SNX25: variants seen among roughly 807,000 people sequenced by gnomAD.
SNX25 encodes the protein sorting nexin 25, also known as sorting nexin-25.
Under a neutral mutation model 113.7 loss-of-function variants are expected in SNX25, and 62 were observed. The ratio of observed to expected loss-of-function variants is 0.55; its 90% CI spans 0.44 to 0.67. SNX25 has a LOEUF of 0.67. Among genes scored for constraint, SNX25 ranks in the 30% least tolerant of loss-of-function variants. The pLI is 0.00. For synonymous variants in SNX25, 421 were observed against 436.2 expected (o/e 0.97, Z 0.43); for missense variants, 1,014 against 1,161.0 (o/e 0.87, Z 1.84).
intron 1 of SNX25, among the ~76,000 whole-genome samples, chr4:185,241,313 C>CA (rs1254449700): frequency 7.2e-5 from 11 of 151,864 alleles, no homozygotes; most frequent in African/African-American, 1.9e-4. Context: ...CCGTCTCCAC[C>CA]AAAAAAATAT....
chr4:185,351,119 G>A (rs2095312874), intron 13 of SNX25, among the ~76,000 whole-genome samples: 1 of 152,194 alleles, frequency 6.6e-6, no homozygotes, highest in African/African-American at 2.4e-5. Flanking sequence ...AAGTGGTAGC[G>A]CCTGGGATCT....
downstream of SNX25, among the ~76,000 whole-genome samples, chr4:185,370,383 AGGCTGCAG>A (rs951209648): frequency 6.6e-6 from 1 of 152,220 alleles, no homozygotes; most frequent in African/African-American, 2.4e-5. Flanking sequence ...GCTGGGCCTT[AGGCTGCAG>A]ATAGTAGCAG....
rs780499770 is a variant in SNX25, at chr4:185,346,550, T to TA, written c.2208dup (p.Val737SerfsTer7). 10 of 1,593,168 alleles carry TA rather than the reference T, an allele frequency of 6.3e-6. No homozygotes were observed. Among genetic ancestry groups the TA allele is most frequent in the Admixed American group, 1.9e-5 (1 of 53,866 alleles). ...TTCCCCCCACAGTGCGTCCCTTCTT[T>TA]AAAAAAAGTCCAGTTGCCTTCTCTT... On this transcript the variant is annotated frameshift_variant, in exon 13 of 19. Coordinates refer to ENST00000652585, the MANE Select transcript of SNX25 (RefSeq NM_001378034.2). LOFTEE classifies it high-confidence loss of function.
At chr4:185,336,093 A>G (rs947589883) in intron 10 of SNX25, among the ~76,000 whole-genome samples, 1 of 152,242 alleles carries the variant, frequency 6.6e-6, no homozygotes, top group Non-Finnish European at 1.5e-5. Context: ...CGAGCATAGC[A>G]TTTAAAAGAT....
intron 11 of SNX25, among the ~76,000 whole-genome samples, chr4:185,369,112 C>G (rs1030071719): frequency 6.7e-6 from 1 of 149,908 alleles, no homozygotes; most frequent in Non-Finnish European, 1.5e-5. Context: ...TTGTTCTAGT[C>G]AGGATGACTA....
At chr4:185,249,296 C>G (rs531150504) in intron 2 of SNX25, among the ~76,000 whole-genome samples, 1 of 152,144 alleles carries the variant, frequency 6.6e-6, no homozygotes, top group South Asian at 2.1e-4. Context: ...CATATTACCA[C>G]CAACATTTGC....
At chr4:185,345,176 C>CTTT (rs1388652201) in intron 12 of SNX25, among the ~76,000 whole-genome samples, 1 of 152,174 alleles carries the variant, frequency 6.6e-6, no homozygotes, top group African/African-American at 2.4e-5. Context: ...CATCTTTCCT[C>CTTT]GTCTGTGGAC....
At position 185,221,514 on chromosome 4, in the gene SNX25, T is replaced by C. The variant is rs146149213; in HGVS notation, c.429+11259T>C. Reference sequence around the variant, plus strand: ...TCTACTTCTTTCAGTCTTTCCTGCTTGGTCTTAGCTACCGTCATGTCCCAC... The same window carrying C: ...TCTACTTCTTTCAGTCTTTCCTGCTCGGTCTTAGCTACCGTCATGTCCCAC... On this transcript the variant is annotated intron_variant, in intron 1 of 18. Transcript: ENST00000652585. Among the ~76,000 whole-genome samples the C allele has an allele frequency of 1.4e-3, 220 of 152,202 alleles. 1 individual carries two copies. Among genetic ancestry groups the C allele is most frequent in the Admixed American group, 7.7e-3 (118 of 15,266 alleles).
intron 15 of SNX25, 63 bp downstream of exon 15, chr4:185,353,665 T>C (rs1455708243): frequency 1.7e-6 from 2 of 1,194,798 alleles, no homozygotes; most frequent in Admixed American, 1.7e-5. Flanking sequence ...AATCGTACAT[T>C]CACATGCATT....
chr4:185,213,649 C>T (rs1477208816), intron 1 of SNX25, among the ~76,000 whole-genome samples: 3 of 152,150 alleles, frequency 2.0e-5, no homozygotes, highest in Non-Finnish European at 4.4e-5. Context: ...AGTTAACTCA[C>T]CTGGGTCTGA....
At chr4:185,241,261 C>T (rs1264441322) in intron 1 of SNX25, among the ~76,000 whole-genome samples, 6 of 152,090 alleles carry the variant, frequency 3.9e-5, no homozygotes, top group South Asian at 2.1e-4. Context: ...GGATCACTCG[C>T]GGTTAGGAGC....
chr4:185,334,036 CAAA>C lies in SNX25; in HGVS notation c.1914+1293_1914+1295del, dbSNP rs34587614. ...TGCACTCCAGACTGGGCAATAGTCT[CAAA>C]AAAAAAAAAAAAAAAGTGGCTAGGC... On this transcript the variant is annotated intron_variant, in intron 10 of 18. Transcript: ENST00000652585. This position sits in a 1 kb window ranked among gnomAD's most constrained non-coding sequence, Gnocchi z 4.2. Among the ~76,000 whole-genome samples, 4 of 104,382 alleles carry C rather than the reference CAAA, an allele frequency of 3.8e-5. No individual in the cohort carries two copies. Among genetic ancestry groups the C allele is most frequent in the Admixed American group, 9.6e-5 (1 of 10,392 alleles). 68.5% of individuals were successfully genotyped at this position (104,382 alleles called of 152,430 possible).
At chr4:185,374,198 A>G (rs918991532), downstream of SNX25, 8 of 1,614,130 alleles carry the variant, frequency 5.0e-6, no homozygotes, top group East Asian at 6.7e-5. Flanking sequence ...GAGCCTTCAC[A>G]CTAGCTTTGG....
At chr4:185,348,399 A>AT (rs34672453) in intron 13 of SNX25, among the ~76,000 whole-genome samples, 24,655 of 149,122 alleles carry the variant, frequency 0.17, 2,358 homozygotes, top group African/African-American at 0.25. Context: ...TCATTTCTTT[A>AT]TTTTTTTTTT....
At position 185,332,612 on chromosome 4, in the gene SNX25, T is replaced by C. The variant is rs1349021920; in HGVS notation, c.1767T>C (p.Ala589=). The stretch of plus-strand genomic sequence containing the variant: ...CCCCCTAGGGCCCAAGAGATGAGGC[T>C]GGTGAGGAAGCCGTGGATGATGGTA... ...NKDEMGPRDE[A]GEEAVDDGTN... is the part of the protein sequence containing the mutation. Residue 589 remains alanine, a synonymous_variant, in exon 10 of 19, where the codon GCT becomes GCC. Transcript: ENST00000652585. 5 of 1,613,354 alleles carry C rather than the reference T, an allele frequency of 3.1e-6. No individual in the cohort carries two copies. The highest frequency in any genetic ancestry group is 4.2e-6 in the Non-Finnish European group (5 of 1,179,562).
At chr4:185,205,001 T>C (rs1737122798), upstream of SNX25, among the ~76,000 whole-genome samples, 1 of 152,248 alleles carries the variant, frequency 6.6e-6, no homozygotes, top group Non-Finnish European at 1.5e-5. Context: ...TTAATAAATA[T>C]TGTTCACATC....
intron 1 of SNX25, among the ~76,000 whole-genome samples, chr4:185,231,266 T>A (rs1234192203): frequency 2.6e-5 from 4 of 151,392 alleles, no homozygotes; most frequent in African/African-American, 7.3e-5. Context: ...GCCCGGCTAA[T>A]TTTTTTGTAT....
At chr4:185,248,855 A>G (rs1008383892) in intron 2 of SNX25, among the ~76,000 whole-genome samples, 1 of 152,182 alleles carries the variant, frequency 6.6e-6, no homozygotes, top group Admixed American at 6.5e-5. Context: ...CCCACCCTTC[A>G]TGGTATCACT....
chr4:185,346,732 G>A (rs2095288856), intron 13 of SNX25, 82 bp downstream of exon 13: 1 of 931,250 alleles, frequency 1.1e-6, no homozygotes, highest in Non-Finnish European at 1.6e-6. Context: ...GAGCTTGGTA[G>A]TTTGCTTTTT....
Sources: allele counts gnomAD v4.1 joint callset (sites outside exome capture counted in the v4.1 genomes callset), GRCh38; gene constraint gnomAD v4.1.1; non-coding constraint Gnocchi (gnomAD v3.1); transcripts MANE v1.5; gene names NCBI Gene and HGNC (gene_info 2026-07-23, HGNC 2026-07-21).